Variants in CD96 observed in about 807,000 individuals in gnomAD.
CD96 encodes the protein T-cell surface protein tactile.
In CD96, 70 loss-of-function variants were observed where a neutral mutation model predicts 71.3. The ratio of observed to expected loss-of-function variants is 0.98; its 90% confidence interval spans 0.81 to 1.20. CD96 has a LOEUF of 1.20. Among genes scored for constraint, CD96 ranks in the 50% most tolerant of loss-of-function variants. CD96 has a pLI of 0.00. For synonymous variants in CD96, 248 were observed against 233.0 expected, an observed-to-expected ratio of 1.06 and a Z score of -0.59; for missense variants, 742 against 677.5, an observed-to-expected ratio of 1.10 and a Z score of -1.06.
chr3:111,653,022 A>G (rs914511415), downstream of CD96, among the ~76,000 whole-genome samples: 4 of 152,136 alleles, frequency 2.6e-5, no homozygotes, highest in Admixed American at 1.3e-4. Flanking sequence ...TGTTATTCAT[A>G]TGTTCGTTTC....
chr3:111,630,634 G>A (rs2107733382), intron 10 of CD96, among the ~76,000 whole-genome samples: 1 of 152,202 alleles, frequency 6.6e-6, no homozygotes, highest in East Asian at 1.9e-4. Context: ...TTTAAAAGAA[G>A]GAAATGCTTC....
downstream of CD96, among the ~76,000 whole-genome samples, chr3:111,654,467 G>A (rs887646793): frequency 2.0e-5 from 3 of 152,084 alleles, no homozygotes; most frequent in African/African-American, 7.2e-5. Flanking sequence ...ATATTTTGTG[G>A]GTGCAAATAA....
At chr3:111,564,905 A>G (rs1303355540) in intron 2 of CD96, among the ~76,000 whole-genome samples, 2 of 151,872 alleles carry the variant, frequency 1.3e-5, no homozygotes, top group Non-Finnish European at 2.9e-5. Context: ...TCTATCCCTC[A>G]CTTTTACCTA....
At chr3:111,568,896 G>A (rs1043489811) in intron 3 of CD96, among the ~76,000 whole-genome samples, 2 of 152,134 alleles carry the variant, frequency 1.3e-5, no homozygotes, top group African/African-American at 2.4e-5. Context: ...CACAATTATA[G>A]AGGTGATCAT....
intron 2 of CD96, among the ~76,000 whole-genome samples, chr3:111,562,217 C>T (rs1378892295): frequency 6.6e-6 from 1 of 152,200 alleles, no homozygotes; most frequent in South Asian, 2.1e-4. Flanking sequence ...TCCTATTCGG[C>T]CATCTTGGCT....
intron 2 of CD96, among the ~76,000 whole-genome samples, chr3:111,550,731 T>C (rs532463352): frequency 6.6e-6 from 1 of 152,090 alleles, no homozygotes; most frequent in South Asian, 2.1e-4. Flanking sequence ...GAAGGAAGCT[T>C]CAGAAAAGAA....
chr3:111,565,309 T>C (rs1355924367), intron 2 of CD96, among the ~76,000 whole-genome samples: 1 of 152,180 alleles, frequency 6.6e-6, no homozygotes, highest in East Asian at 1.9e-4. Context: ...CGTGTAGATA[T>C]GATCTATGTA....
chr3:111,555,866 T>A (rs1011342592), intron 2 of CD96, among the ~76,000 whole-genome samples: 22 of 152,422 alleles, frequency 1.4e-4, no homozygotes, highest in African/African-American at 5.3e-4. Flanking sequence ...CCCCTTACTC[T>A]TTCACTTCTT....
At chr3:111,627,775 C>G (rs2107724321) in intron 10 of CD96, among the ~76,000 whole-genome samples, 1 of 152,324 alleles carries the variant, frequency 6.6e-6, no homozygotes, top group South Asian at 2.1e-4. Context: ...CAGTACCCCC[C>G]TGGGACAGAG....
intron 14 of CD96, among the ~76,000 whole-genome samples, chr3:111,662,776 T>C (rs774581218): frequency 1.3e-5 from 2 of 152,218 alleles, no homozygotes; most frequent in Non-Finnish European, 2.9e-5. Context: ...ACTATCCACA[T>C]TTTGGTCCAT....
chr3:111,608,499 T>G (rs1167413477), intron 8 of CD96, among the ~76,000 whole-genome samples: 3 of 152,218 alleles, frequency 2.0e-5, no homozygotes, highest in Admixed American at 1.3e-4. Context: ...TGATCTTTAT[T>G]ATGAGTGGTA....
intron 12 of CD96, among the ~76,000 whole-genome samples, chr3:111,643,297 A>G (rs1408834793): frequency 6.6e-6 from 1 of 152,078 alleles, no homozygotes; most frequent in African/African-American, 2.4e-5. Flanking sequence ...TATGATTAAA[A>G]CTCAGCAAAA....
chr3:111,593,213 G>A (rs1937076654), intron 5 of CD96: 2 of 199,442 alleles, frequency 1.0e-5, no homozygotes, highest in Admixed American at 5.5e-5. Flanking sequence ...AAAACCGAGT[G>A]CTAGGCAAAA....
At chr3:111,631,477 G>T (rs1475939141) in intron 10 of CD96, among the ~76,000 whole-genome samples, 1 of 152,144 alleles carries the variant, frequency 6.6e-6, no homozygotes. Flanking sequence ...ACAAGCCACT[G>T]CTCAAAGAAA....
chr3:111,549,508 A>G (rs1222308400), intron 2 of CD96, among the ~76,000 whole-genome samples: 2 of 152,188 alleles, frequency 1.3e-5, no homozygotes, highest in East Asian at 3.8e-4. Context: ...TCAAGTGTAG[A>G]GAATGAATTG....
intron 7 of CD96, among the ~76,000 whole-genome samples, chr3:111,606,108 C>T (rs544799222): frequency 1.3e-5 from 2 of 152,098 alleles, no homozygotes; most frequent in Admixed American, 1.3e-4. Context: ...TTTCAACTCC[C>T]CCCAACACAG....
At chr3:111,654,000 A>G (rs1198874587), downstream of CD96, among the ~76,000 whole-genome samples, 1 of 152,202 alleles carries the variant, frequency 6.6e-6, no homozygotes, top group African/African-American at 2.4e-5. Flanking sequence ...TACTAAGGCC[A>G]GAGATAATGA....
At chr3:111,589,274 C>A (rs1936864501) in intron 5 of CD96, among the ~76,000 whole-genome samples, 1 of 152,046 alleles carries the variant, frequency 6.6e-6, no homozygotes, top group Admixed American at 6.6e-5. Context: ...ATAAGGATCT[C>A]TAATAGATTC....
intron 13 of CD96, among the ~76,000 whole-genome samples, chr3:111,648,782 A>G (rs1445063222): frequency 6.6e-6 from 1 of 152,160 alleles, no homozygotes; most frequent in Non-Finnish European, 1.5e-5. Context: ...CTAAGATGCT[A>G]TGGATTGCCA....
Sources: gnomAD v4.1 joint callset for allele counts (sites outside exome capture counted in the v4.1 genomes callset) on GRCh38, gnomAD v4.1.1 for gene constraint, MANE v1.5 for transcripts, NCBI Gene and HGNC (gene_info 2026-07-23, HGNC 2026-07-21) for gene names.